Variants in OSBPL1A observed in about 807,000 individuals in gnomAD.
OSBPL1A encodes the protein oxysterol-binding protein-related protein 1.
A neutral mutation model predicts 137.1 loss-of-function variants in OSBPL1A; 80 were observed. The ratio of observed to expected loss-of-function variants is 0.58; its 90% CI spans 0.49 to 0.70. The LOEUF is 0.70. Among genes scored for constraint, OSBPL1A ranks in the 30% least tolerant of loss-of-function variants. The pLI is 0.00. For missense variants in OSBPL1A, 970 were observed against 1,129.4 expected, an observed-to-expected ratio of 0.86 and a Z score of 2.02; for synonymous variants, 365 against 389.7, an observed-to-expected ratio of 0.94 and a Z score of 0.75.
chr18:24,249,569 C>T (rs1007152823), intron 15 of OSBPL1A, among the ~76,000 whole-genome samples: 8 of 152,228 alleles, frequency 5.3e-5, no homozygotes, highest in Non-Finnish European at 7.3e-5. Context: ...CCCCTGGCAA[C>T]AGCTGTACAG....
At chr18:24,304,691 T>G (rs898081443) in intron 13 of OSBPL1A, among the ~76,000 whole-genome samples, 19 of 152,190 alleles carry the variant, frequency 1.2e-4, no homozygotes, top group Admixed American at 1.2e-3. Flanking sequence ...AAATCAAACT[T>G]ACTATAGATC....
intron 18 of OSBPL1A, among the ~76,000 whole-genome samples, chr18:24,188,330 C>G (rs1348986152): frequency 6.6e-6 from 1 of 152,214 alleles, no homozygotes; most frequent in African/African-American, 2.4e-5. Flanking sequence ...CTGTCCACAG[C>G]CACGGGCTCC....
chr18:24,217,906 C>T lies in OSBPL1A; in HGVS notation c.1601+7136G>A, dbSNP rs532220457. On this transcript the variant is annotated intron_variant, in intron 17 of 27. Coordinates refer to ENST00000319481, the MANE Select transcript of OSBPL1A (RefSeq NM_080597.4). ...AATAACCATCAGTCCACAGGAAATT[C>T]AGGAGTAAAAGAACATGTGGAATGA... 2.0e-5 allele frequency among the ~76,000 whole-genome samples: 3 copies of T among 152,228 alleles called. No individual in the cohort carries two copies. The South Asian group carries it at 6.2e-4, about 32-fold the overall frequency.
chr18:24,191,544 TTG>T (rs1555627824), intron 18 of OSBPL1A, among the ~76,000 whole-genome samples: 8 of 151,880 alleles, frequency 5.3e-5, no homozygotes, highest in Non-Finnish European at 1.0e-4. Flanking sequence ...CATTTTACCT[TTG>T]TTAATATTTT....
At position 24,175,104 on chromosome 18, in the gene OSBPL1A, GTATGTATATATATATATA is replaced by G. The variant is rs1266763196; in HGVS notation, c.2094-2639_2094-2622del. 1.4e-4 allele frequency among the ~76,000 whole-genome samples: 6 copies of G among 42,720 alleles called. 1 individual carries two copies. Among genetic ancestry groups the G allele is most frequent in the African/African-American group, 3.0e-4 (4 of 13,184 alleles). The allele number at this position is 42,720 out of a possible 152,430, so 28.0% of individuals were successfully genotyped here. ...GACTTCATGTGCTTATTTGCCATGT[GTATGTATATATATATATA>G]TATATATATATATACACATATATAT... On this transcript the variant is annotated intron_variant, in intron 21 of 27. Transcript: ENST00000319481.
intron 15 of OSBPL1A, among the ~76,000 whole-genome samples, chr18:24,278,565 G>T (rs2146070636): frequency 6.6e-6 from 1 of 152,212 alleles, no homozygotes; most frequent in East Asian, 1.9e-4. Flanking sequence ...AAAGAATTAG[G>T]TTATTTTTTA....
chr18:24,243,941 G>A (rs959695046), intron 15 of OSBPL1A, among the ~76,000 whole-genome samples: 2 of 152,166 alleles, frequency 1.3e-5, no homozygotes, highest in African/African-American at 4.8e-5. Flanking sequence ...ACATCTGAAA[G>A]CATGCTTAAG....
intron 15 of OSBPL1A, among the ~76,000 whole-genome samples, chr18:24,269,755 C>A (rs1361348900): frequency 2.0e-5 from 3 of 151,902 alleles, no homozygotes; most frequent in Admixed American, 2.0e-4. Flanking sequence ...CGGAATAAGA[C>A]AAACACAGTC....
intron 15 of OSBPL1A, among the ~76,000 whole-genome samples, chr18:24,264,935 AAAG>A (rs1373159970): frequency 6.6e-6 from 1 of 152,188 alleles, no homozygotes; most frequent in African/African-American, 2.4e-5. Flanking sequence ...TCTGTAAAAT[AAAG>A]AATAGATCAC....
chr18:24,388,629 G>A (rs533843042), intron 1 of OSBPL1A, among the ~76,000 whole-genome samples: 5 of 151,814 alleles, frequency 3.3e-5, no homozygotes, highest in African/African-American at 4.8e-5. Context: ...GCGAAACTCC[G>A]TCTCTACTAA....
chr18:24,358,420 T>C (rs7226913), intron 4 of OSBPL1A: 403,242 of 700,632 alleles, frequency 0.58, 120,320 homozygotes, highest in East Asian at 0.81. Flanking sequence ...CCTGTCCACT[T>C]CTTCCCCACC....
At chr18:24,389,065 C>T (rs959379553) in intron 1 of OSBPL1A, among the ~76,000 whole-genome samples, 5 of 152,104 alleles carry the variant, frequency 3.3e-5, no homozygotes, top group South Asian at 2.1e-4. Flanking sequence ...TCCAGAAAAG[C>T]GCTTTGTCTC....
At chr18:24,204,582 T>C (rs2087317038) in intron 17 of OSBPL1A, among the ~76,000 whole-genome samples, 1 of 151,150 alleles carries the variant, frequency 6.6e-6, no homozygotes, top group South Asian at 2.1e-4. Context: ...TTAAACATGA[T>C]GTTCCCATTC....
At chr18:24,218,594 C>A (rs1361591380) in intron 17 of OSBPL1A, among the ~76,000 whole-genome samples, 1 of 152,140 alleles carries the variant, frequency 6.6e-6, no homozygotes, top group African/African-American at 2.4e-5. Flanking sequence ...CAGGCATGCA[C>A]TACTGCGCCT....
chr18:24,269,473 T>C (rs1269852156), intron 15 of OSBPL1A, among the ~76,000 whole-genome samples: 2 of 152,208 alleles, frequency 1.3e-5, no homozygotes, highest in African/African-American at 4.8e-5. Context: ...GATGACTACA[T>C]AGATTTTAGT....
At chr18:24,288,183 A>G (rs887154240) in intron 14 of OSBPL1A, among the ~76,000 whole-genome samples, 1 of 152,364 alleles carries the variant, frequency 6.6e-6, no homozygotes, top group Admixed American at 6.5e-5. Flanking sequence ...ACTACATGTA[A>G]AAGATGAGAA....
intron 17 of OSBPL1A, among the ~76,000 whole-genome samples, chr18:24,216,102 C>T (rs1016551268): frequency 2.0e-5 from 3 of 152,122 alleles, no homozygotes; most frequent in African/African-American, 7.2e-5. Flanking sequence ...TCAAGGGACC[C>T]AGGTACAAAT....
At chr18:24,286,321 A>G (rs181993420) in intron 14 of OSBPL1A, among the ~76,000 whole-genome samples, 25 of 152,258 alleles carry the variant, frequency 1.6e-4, no homozygotes, top group Admixed American at 1.4e-3. Context: ...AAAAATATCA[A>G]AAGAGGTCAT....
chr18:24,163,405 A>C lies in OSBPL1A; in HGVS notation c.2751-124T>G, dbSNP rs975610608. On this transcript the variant is annotated intron_variant, in intron 27 of 27. Coordinates refer to ENST00000319481, the MANE Select transcript of OSBPL1A (RefSeq NM_080597.4). ...TTCTGTGAGTGAGGGATAGTTCTAA[A>C]GAGATGCTGAAGTGATGCTGTATTT... 3.7e-5 allele frequency: 24 copies of C among 646,018 alleles called. No individual in the cohort carries two copies. The African/African-American group carries it at 3.9e-4, about 11-fold the overall frequency. The allele number at this position is 646,018 out of a possible 1,614,324, so 40.0% of individuals were successfully genotyped here.
Sources: gnomAD v4.1 joint callset for allele counts (sites outside exome capture counted in the v4.1 genomes callset) on GRCh38, gnomAD v4.1.1 for gene constraint, MANE v1.5 for transcripts, NCBI Gene and HGNC (gene_info 2026-07-23, HGNC 2026-07-21) for gene names.